The following NKAIN3 variants were observed in gnomAD, a reference collection of about 807,000 sequenced individuals.
NKAIN3 encodes the protein sodium/potassium transporting ATPase interacting 3, also known as sodium/potassium-transporting ATPase subunit beta-1-interacting protein 3.
A neutral mutation model predicts 30.2 loss-of-function variants in NKAIN3; 25 were observed. That is an observed-to-expected ratio of 0.83 (90% confidence interval 0.60 to 1.16). The LOEUF (loss-of-function observed/expected upper bound fraction) is 1.16. NKAIN3 is among the 50% of genes most tolerant of loss of function. The probability of loss-of-function intolerance (pLI) is 0.00; values close to 1 mark genes in which losing one functional copy is unlikely to be tolerated. For synonymous variants in NKAIN3, 91 were observed against 89.6 expected, an observed-to-expected ratio of 1.02 and a Z score of -0.09; for missense variants, 225 against 254.1, an observed-to-expected ratio of 0.89 and a Z score of 0.78.
In NKAIN3 at chr8:62,967,819, A is replaced by G. The variant is rs971781856; in HGVS notation, c.*2412A>G. Among the ~76,000 whole-genome samples the G allele has an allele frequency of 3.3e-5, 5 of 152,190 alleles. No individual in the cohort carries two copies. The highest frequency in any genetic ancestry group is 1.2e-4 in the African/African-American group (5 of 41,464). On this transcript the variant is annotated 3_prime_UTR_variant, in exon 7 of 7. Coordinates refer to ENST00000623646, the MANE Select transcript of NKAIN3 (RefSeq NM_001304533.3). ...TACACATGCAAATAAAATGTGGTTA[A>G]CATTTCACAAAATAGAACCATACTA... is the stretch of plus-strand genomic sequence containing the variant.
At chr8:62,568,221 T>G (rs1006275172) in intron 1 of NKAIN3, among the ~76,000 whole-genome samples, 7 of 152,172 alleles carry the variant, frequency 4.6e-5, no homozygotes, top group African/African-American at 1.7e-4. Context: ...CAGTATGCAT[T>G]TTGACTGCAT....
chr8:62,656,625 A>C (rs895173489), intron 3 of NKAIN3, among the ~76,000 whole-genome samples: 2 of 152,128 alleles, frequency 1.3e-5, no homozygotes, highest in Non-Finnish European at 2.9e-5. Context: ...CATTTTCCAA[A>C]AACATACATT....
intron 4 of NKAIN3, among the ~76,000 whole-genome samples, chr8:62,902,586 A>C (rs10093212): frequency 0.77 from 117,792 of 152,158 alleles, 46,470 homozygotes; most frequent in East Asian, 0.98. Flanking sequence ...CATTCTGACA[A>C]GACAAAAACC....
chr8:62,586,395 T>A (rs1194058980), intron 2 of NKAIN3, among the ~76,000 whole-genome samples: 1 of 152,188 alleles, frequency 6.6e-6, no homozygotes, highest in Non-Finnish European at 1.5e-5. Flanking sequence ...TCATTTTAAA[T>A]AATTATATAA....
chr8:62,804,912 A>C (rs1818214827), intron 4 of NKAIN3, among the ~76,000 whole-genome samples: 1 of 152,222 alleles, frequency 6.6e-6, no homozygotes, highest in Non-Finnish European at 1.5e-5. Context: ...CCATTGTCTC[A>C]GCCCAAAATC....
intron 4 of NKAIN3, among the ~76,000 whole-genome samples, chr8:62,869,865 T>C (rs2130798711): frequency 6.6e-6 from 1 of 152,214 alleles, no homozygotes; most frequent in African/African-American, 2.4e-5. Flanking sequence ...CCTCCCGAGT[T>C]CACGCCATTC....
intron 4 of NKAIN3, among the ~76,000 whole-genome samples, chr8:62,901,828 T>C (rs1041427052): frequency 2.6e-5 from 4 of 152,202 alleles, no homozygotes; most frequent in Non-Finnish European, 4.4e-5. Flanking sequence ...TACATGTGGC[T>C]TTATCTGCAT....
chr8:62,625,875 A>G (rs1375604138), intron 3 of NKAIN3, among the ~76,000 whole-genome samples: 2 of 152,052 alleles, frequency 1.3e-5, no homozygotes, highest in Non-Finnish European at 2.9e-5. Flanking sequence ...AAGACAAATA[A>G]TTATTGAACA....
chr8:62,907,584 C>T (rs747712015), intron 4 of NKAIN3, among the ~76,000 whole-genome samples: 1 of 152,190 alleles, frequency 6.6e-6, no homozygotes, highest in African/African-American at 2.4e-5. Flanking sequence ...CAGGACCTTG[C>T]TGCTTTGTAC....
At chr8:62,802,944 A>T (rs1426024131) in intron 4 of NKAIN3, among the ~76,000 whole-genome samples, 2 of 152,204 alleles carry the variant, frequency 1.3e-5, no homozygotes, top group African/African-American at 4.8e-5. Flanking sequence ...TGGAAAACAA[A>T]AAAAGGCAGG....
intron 5 of NKAIN3, among the ~76,000 whole-genome samples, chr8:62,948,694 G>T (rs73264630): frequency 7.3e-4 from 111 of 152,242 alleles, no homozygotes; most frequent in African/African-American, 2.6e-3. Context: ...GATCAGACAT[G>T]AAAAATAAGT....
In NKAIN3 at chr8:62,883,457, G is replaced by GTTGTTGT; in HGVS notation, c.472-34994_472-34993insGTTGTTT. On this transcript the variant is annotated intron_variant, in intron 4 of 6. Transcript: ENST00000623646. ...TTTATTATTTCCAGGAGTTTTATGG[G>GTTGTTGT]TTTTTTTTTTTTTTTTCAGATTTTC... 2.8e-5 allele frequency among the ~76,000 whole-genome samples: 2 copies of GTTGTTGT among 70,232 alleles called. 1 individual carries two copies. Among genetic ancestry groups the GTTGTTGT allele is most frequent in the East Asian group, 1.2e-3 (2 of 1,698 alleles). 46.1% of individuals were successfully genotyped at this position (70,232 alleles called of 152,430 possible).
intron 1 of NKAIN3, among the ~76,000 whole-genome samples, chr8:62,250,634 C>A (rs946626783): frequency 6.6e-6 from 1 of 152,082 alleles, no homozygotes; most frequent in Non-Finnish European, 1.5e-5. Flanking sequence ...TGCCTAATTT[C>A]TATTTTACAT....
intron 1 of NKAIN3, among the ~76,000 whole-genome samples, chr8:62,345,495 A>AATATG (rs1273676191): frequency 1.1e-4 from 1 of 8,848 alleles, no homozygotes; most frequent in Admixed American, 1.8e-3. Flanking sequence ...ATATATACAC[A>AATATG]CATATATACA....
intron 5 of NKAIN3, among the ~76,000 whole-genome samples, chr8:62,998,426 C>T (rs1202881680): frequency 6.6e-6 from 1 of 152,130 alleles, no homozygotes; most frequent in African/African-American, 2.4e-5. Flanking sequence ...CAGGCATTCA[C>T]CACCACACCA....
chr8:62,309,843 A>C (rs545092751), intron 1 of NKAIN3, among the ~76,000 whole-genome samples: 3 of 150,552 alleles, frequency 2.0e-5, no homozygotes, highest in Admixed American at 6.6e-5. Flanking sequence ...TATCTCCAAA[A>C]GTTCTAGGCA....
At chr8:62,879,288 A>C (rs1471332297) in intron 4 of NKAIN3, among the ~76,000 whole-genome samples, 1 of 152,094 alleles carries the variant, frequency 6.6e-6, no homozygotes, top group African/African-American at 2.4e-5. Context: ...TTTCATGTGT[A>C]TTTTAGCTGC....
chr8:62,986,806 T>C (rs1481052703), downstream of NKAIN3, among the ~76,000 whole-genome samples: 1 of 152,180 alleles, frequency 6.6e-6, no homozygotes, highest in Non-Finnish European at 1.5e-5. Flanking sequence ...TGAGCCGTGT[T>C]TTATCACCCT....
intron 1 of NKAIN3, among the ~76,000 whole-genome samples, chr8:62,402,212 G>A (rs1048386323): frequency 6.6e-6 from 1 of 152,204 alleles, no homozygotes; most frequent in Non-Finnish European, 1.5e-5. Flanking sequence ...ACCCAAGCCT[G>A]TGGTGAGTAA....
Sources: allele counts gnomAD v4.1 joint callset (sites outside exome capture counted in the v4.1 genomes callset), GRCh38; gene constraint gnomAD v4.1.1; transcripts MANE v1.5; gene names NCBI Gene and HGNC (gene_info 2026-07-23, HGNC 2026-07-21).